PRLR: variants seen among roughly 807,000 people sequenced by gnomAD.
PRLR encodes the protein hPRL receptor.
Under a neutral mutation model 40.2 loss-of-function variants are expected in PRLR, and 13 were observed. That is an observed-to-expected ratio of 0.32 (90% CI 0.21 to 0.51). The LOEUF (loss-of-function observed/expected upper bound fraction) is 0.51. PRLR is among the 20% of genes least tolerant of loss of function. The pLI is 0.97. For synonymous variants in PRLR, 269 were observed against 278.7 expected (o/e 0.97, Z 0.35); for missense variants, 656 against 747.3 (o/e 0.88, Z 1.42).
intron 1 of PRLR, among the ~76,000 whole-genome samples, chr5:35,164,488 C>T (rs1282054267): frequency 1.3e-5 from 2 of 152,004 alleles, no homozygotes; most frequent in Non-Finnish European, 2.9e-5. Context: ...ATAGCAAGCA[C>T]AAAAAGTCTC....
chr5:35,081,228 T>G (rs895407911), intron 5 of PRLR: 1 of 155,392 alleles, frequency 6.4e-6, no homozygotes, highest in Non-Finnish European at 1.4e-5. Context: ...AAAGGACTCA[T>G]GTTCACAGTC....
At chr5:35,072,479 G>C (rs1769809976) in intron 6 of PRLR, 96 bp downstream of exon 6, 5 of 1,387,714 alleles carry the variant, frequency 3.6e-6, no homozygotes, top group Middle Eastern at 3.7e-4. Context: ...CCAACACAGT[G>C]ACCCAGTAAT....
intron 1 of PRLR, among the ~76,000 whole-genome samples, chr5:35,132,064 C>T (rs1303961605): frequency 6.6e-6 from 1 of 152,192 alleles, no homozygotes; most frequent in Non-Finnish European, 1.5e-5. Flanking sequence ...CTTCAATCCT[C>T]ACTCTGGCTT....
chr5:35,195,695 G>A (rs567818216), intron 1 of PRLR: 5 of 152,332 alleles, frequency 3.3e-5, no homozygotes, highest in African/African-American at 1.2e-4. Context: ...GTGGCTCTAC[G>A]CAGTCATCCT....
rs765337700 is a variant in PRLR, at chr5:35,102,486, GTCTCCTCTCCACTCC to G, written c.-43-12838_-43-12824del. On this transcript the variant is annotated intron_variant, in intron 2 of 9. Transcript: ENST00000618457. ...GTCCCATCCCGTCCCGTCCCGTCCC[GTCTCCTCTCCACTCC>G]TCTCCTCTCCTCTCCTCTCCTCTCC... 1.6e-3 allele frequency among the ~76,000 whole-genome samples: 143 copies of G among 89,486 alleles called. 7 individuals carry two copies. The highest frequency in any genetic ancestry group is 5.6e-3 in the African/African-American group (134 of 23,752). The allele number at this position is 89,486 out of a possible 152,430, so 58.7% of individuals were successfully genotyped here.
At chr5:35,139,672 T>G (rs1262611838) in intron 1 of PRLR, among the ~76,000 whole-genome samples, 1 of 152,230 alleles carries the variant, frequency 6.6e-6, no homozygotes, top group Non-Finnish European at 1.5e-5. Flanking sequence ...ATGCCCATTA[T>G]AGTCTAACTT....
At chr5:35,141,555 C>T (rs891090669) in intron 1 of PRLR, among the ~76,000 whole-genome samples, 1 of 152,098 alleles carries the variant, frequency 6.6e-6, no homozygotes, top group African/African-American at 2.4e-5. Flanking sequence ...GGTTTTCTTG[C>T]TATCTTGAAA....
chr5:35,222,299 C>T, intron 1 of PRLR, among the ~76,000 whole-genome samples: 1 of 62,644 alleles, frequency 1.6e-5, no homozygotes, highest in African/African-American at 6.3e-5. Flanking sequence ...AAGACTCCAT[C>T]CAAAAGAAAA....
chr5:35,134,868 G>A (rs1336106182), intron 1 of PRLR, among the ~76,000 whole-genome samples: 2 of 152,214 alleles, frequency 1.3e-5, no homozygotes, highest in Non-Finnish European at 2.9e-5. Context: ...GGCGTGGGGT[G>A]CCGCCTGAGG....
In PRLR at chr5:35,068,299, C is replaced by G. The variant is rs371295897; in HGVS notation, c.786-14G>C. The G allele has an allele frequency of 6.2e-7, 1 of 1,602,762 alleles. No homozygotes were observed. The highest frequency in any genetic ancestry group is 1.3e-5 in the African/African-American group (1 of 74,640). Reference sequence around the variant, plus strand: ...CAGGTCACCATGCTATAAAATAATTCATGAGATTGGCTAAATGACTCATTT... The same window carrying G: ...CAGGTCACCATGCTATAAAATAATTGATGAGATTGGCTAAATGACTCATTT... On this transcript the variant is annotated splice_polypyrimidine_tract_variant and intron_variant, in intron 8 of 9. Transcript: ENST00000618457.
intron 2 of PRLR, among the ~76,000 whole-genome samples, chr5:35,108,949 C>A (rs1772460028): frequency 6.6e-6 from 1 of 152,176 alleles, no homozygotes; most frequent in East Asian, 1.9e-4. Flanking sequence ...AGGCATCATG[C>A]TGCCTGACTT....
intron 2 of PRLR, among the ~76,000 whole-genome samples, chr5:35,107,276 A>G (rs142845045): frequency 0.01 from 1,587 of 152,356 alleles, 21 homozygotes; most frequent in South Asian, 0.025. Flanking sequence ...AGAAAGCAGG[A>G]AAGATCTAAA....
chr5:35,099,909 G>A (rs1301129816), intron 2 of PRLR, among the ~76,000 whole-genome samples: 1 of 152,138 alleles, frequency 6.6e-6, no homozygotes, highest in Non-Finnish European at 1.5e-5. Flanking sequence ...AGGCACGGTG[G>A]TTCACGCCTG....
Position 35,089,553 on chromosome 5 carries a change from TTCA to T in PRLR, c.65_67del (p.Leu22_Asn23delinsHis). The T allele has an allele frequency of 6.2e-7, 1 of 1,606,950 alleles. No individual in the cohort carries two copies. Among genetic ancestry groups the T allele is most frequent in the South Asian group, 1.1e-5 (1 of 90,904 alleles). ...GAGCGTGATAGCCTCTTACTTACCA[TTCA>T]GAAGGCAGGTGTTGAGAAAAAGTAG... On this transcript the variant is annotated inframe_deletion, in exon 3 of 10. Transcript: ENST00000618457.
At chr5:35,163,958 C>A (rs1314029677) in intron 1 of PRLR, among the ~76,000 whole-genome samples, 1 of 152,196 alleles carries the variant, frequency 6.6e-6, no homozygotes, top group African/African-American at 2.4e-5. Flanking sequence ...AAGGTAGACA[C>A]ACTATATGAC....
chr5:35,189,352 A>G (rs1187433747), intron 1 of PRLR, among the ~76,000 whole-genome samples: 2 of 152,144 alleles, frequency 1.3e-5, no homozygotes, highest in Non-Finnish European at 2.9e-5. Flanking sequence ...AGGTTGAGGC[A>G]CGTGGACCAC....
intron 1 of PRLR, among the ~76,000 whole-genome samples, chr5:35,139,552 G>A (rs1773955421): frequency 6.6e-6 from 1 of 152,100 alleles, no homozygotes; most frequent in Non-Finnish European, 1.5e-5. Context: ...AAATAATCCA[G>A]ATACAAACAT....
chr5:35,074,305 A>G (rs1482533075), intron 5 of PRLR, among the ~76,000 whole-genome samples: 1 of 151,910 alleles, frequency 6.6e-6, no homozygotes, highest in Non-Finnish European at 1.5e-5. Flanking sequence ...TACTAAAAAT[A>G]CAAAAAATTT....
At chr5:35,167,842 CATT>C (rs1420593920) in intron 1 of PRLR, among the ~76,000 whole-genome samples, 1 of 146,268 alleles carries the variant, frequency 6.8e-6, no homozygotes, top group African/African-American at 2.6e-5. Flanking sequence ...TAAAAATTGT[CATT>C]GTTTAAAATT....
Sources: allele counts gnomAD v4.1 joint callset (sites outside exome capture counted in the v4.1 genomes callset), GRCh38; gene constraint gnomAD v4.1.1; transcripts MANE v1.5; gene names NCBI Gene and HGNC (gene_info 2026-07-23, HGNC 2026-07-21).